SLCO3A1: variants seen among roughly 807,000 people sequenced by gnomAD.
SLCO3A1 encodes solute carrier organic anion transporter family member 3A1.
SLCO3A1 carries 27 observed loss-of-function variants against 63.1 expected under a neutral mutation model. That is an observed-to-expected ratio of 0.43 (90% CI 0.32 to 0.59). The LOEUF (loss-of-function observed/expected upper bound fraction) is 0.59, where lower values mean the gene tolerates loss of function less well. Ranked by LOEUF, SLCO3A1 falls within the 20% of genes least tolerant of loss-of-function variation. The pLI is 0.09. For missense variants in SLCO3A1, 773 were observed against 945.8 expected (o/e 0.82, Z 2.40); for synonymous variants, 473 against 409.9 (o/e 1.15, Z -1.86).
At chr15:92,146,760 CA>C (rs1313221391) in intron 7 of SLCO3A1, among the ~76,000 whole-genome samples, 2 of 151,672 alleles carry the variant, frequency 1.3e-5, no homozygotes, top group Non-Finnish European at 2.9e-5. Flanking sequence ...GGAAATGAAA[CA>C]CACAAGAGAC....
chr15:91,905,471 C>A (rs546517654), intron 1 of SLCO3A1, among the ~76,000 whole-genome samples: 1 of 152,152 alleles, frequency 6.6e-6, no homozygotes, highest in African/African-American at 2.4e-5. Context: ...ATAAATGGTT[C>A]TTATACTATT....
intron 2 of SLCO3A1, among the ~76,000 whole-genome samples, chr15:92,072,366 G>C (rs560004516): frequency 6.6e-6 from 1 of 151,640 alleles, no homozygotes; most frequent in East Asian, 1.9e-4. Flanking sequence ...ACTGAACTCA[G>C]CCTTTCTTTA....
intron 1 of SLCO3A1, among the ~76,000 whole-genome samples, chr15:91,874,543 A>T (rs560728697): frequency 6.6e-6 from 1 of 152,208 alleles, no homozygotes; most frequent in Non-Finnish European, 1.5e-5. Context: ...ATGTCCTCAC[A>T]GGTCATCCAA....
intron 2 of SLCO3A1, among the ~76,000 whole-genome samples, chr15:91,933,132 A>G (rs1899293356): frequency 6.6e-6 from 1 of 152,202 alleles, no homozygotes; most frequent in Non-Finnish European, 1.5e-5. Context: ...TTTCTCCTTA[A>G]GGTATATCCT....
intron 1 of SLCO3A1, among the ~76,000 whole-genome samples, chr15:91,871,885 A>G (rs1188354054): frequency 6.7e-6 from 1 of 149,112 alleles, no homozygotes; most frequent in African/African-American, 2.5e-5. Context: ...TTTAACTGGG[A>G]AATGTCTAGC....
chr15:92,122,802 T>C (rs903032485), intron 5 of SLCO3A1, among the ~76,000 whole-genome samples: 2 of 152,260 alleles, frequency 1.3e-5, no homozygotes, highest in African/African-American at 4.8e-5. Context: ...TGTTCTATGG[T>C]AAACTATTGC....
In SLCO3A1 at chr15:92,033,941, G is replaced by A. The variant is rs963580332; in HGVS notation, c.647-60940G>A. ...ATGAGCTGGGAGCAGGCGCATGGGT[G>A]GGACCCAGTGAGGGAGGGGGAGGAG... On this transcript the variant is annotated intron_variant, in intron 2 of 9. Coordinates refer to ENST00000318445, the MANE Select transcript of SLCO3A1 (RefSeq NM_013272.4). This position sits in a 1 kb window ranked among gnomAD's most constrained non-coding sequence, Gnocchi z 4.5. Among the ~76,000 whole-genome samples, 2 of 151,946 alleles carry A rather than the reference G, an allele frequency of 1.3e-5. No individual in the cohort carries two copies. Among genetic ancestry groups the A allele is most frequent in the Admixed American group, 6.6e-5 (1 of 15,254 alleles).
chr15:92,087,895 C>T (rs1253007070), intron 2 of SLCO3A1, among the ~76,000 whole-genome samples: 1 of 152,122 alleles, frequency 6.6e-6, no homozygotes, highest in Non-Finnish European at 1.5e-5. Flanking sequence ...TTCAAGTTTC[C>T]AGTTGTATTT....
chr15:92,135,547 A>T (rs905654044), intron 7 of SLCO3A1, among the ~76,000 whole-genome samples: 4 of 152,054 alleles, frequency 2.6e-5, no homozygotes, highest in African/African-American at 9.7e-5. Context: ...TTGTGATGAG[A>T]TCTGAGGGTT....
intron 2 of SLCO3A1, among the ~76,000 whole-genome samples, chr15:92,016,262 A>ATAGATAGATATAGATAGATAGAT (rs2046434037): frequency 1.8e-5 from 2 of 112,858 alleles, no homozygotes; most frequent in East Asian, 5.9e-4. Context: ...GATTAGATAG[A>ATAGATAGATATAGATAGATAGAT]TAGATAGATA....
At chr15:91,928,664 A>G (rs1027624005) in intron 2 of SLCO3A1, among the ~76,000 whole-genome samples, 12 of 152,242 alleles carry the variant, frequency 7.9e-5, no homozygotes, top group African/African-American at 2.9e-4. Context: ...GCTGTAAAGT[A>G]TGAAATGGTG....
intron 2 of SLCO3A1, among the ~76,000 whole-genome samples, chr15:92,055,210 CT>C (rs2047007222): frequency 1.3e-5 from 2 of 152,232 alleles, no homozygotes; most frequent in African/African-American, 4.8e-5. Context: ...TGATGTTGAG[CT>C]TTTTTTCATG....
chr15:92,167,189 A>C (rs764430765), downstream of SLCO3A1, among the ~76,000 whole-genome samples: 1 of 152,228 alleles, frequency 6.6e-6, no homozygotes. Flanking sequence ...TTCTTACCTG[A>C]CTATCTTGAT....
chr15:91,891,525 T>TA (rs1254296037), intron 1 of SLCO3A1, among the ~76,000 whole-genome samples: 2 of 152,146 alleles, frequency 1.3e-5, no homozygotes, highest in Non-Finnish European at 2.9e-5. Flanking sequence ...TCCTCCCTCT[T>TA]ACGTAGGGGT....
At position 91,863,372 on chromosome 15, in the gene SLCO3A1, C is replaced by T. The variant is rs1240182448; in HGVS notation, c.180+9284C>T. The stretch of plus-strand genomic sequence containing the variant: ...GCTTTCAGGGTGGTGGAGGGCAGGG[C>T]CCCCTTAAGGTTGGCTTTCGAGGTT... On this transcript the variant is annotated intron_variant, in intron 1 of 9. Coordinates refer to ENST00000318445, the MANE Select transcript of SLCO3A1 (RefSeq NM_013272.4). This position sits in a 1 kb window ranked among gnomAD's most constrained non-coding sequence, Gnocchi z 4.3. Among the ~76,000 whole-genome samples the T allele has an allele frequency of 3.9e-5, 6 of 152,220 alleles. No homozygotes were observed. Among genetic ancestry groups the T allele is most frequent in the African/African-American group, 1.4e-4 (6 of 41,460 alleles).
At chr15:92,105,433 C>G (rs2151546802) in intron 4 of SLCO3A1, among the ~76,000 whole-genome samples, 1 of 152,220 alleles carries the variant, frequency 6.6e-6, no homozygotes, top group Non-Finnish European at 1.5e-5. Flanking sequence ...CTCTTGCTAT[C>G]ATTTTTTAAA....
chr15:91,950,304 A>G lies in SLCO3A1; in HGVS notation c.646+33846A>G, dbSNP rs941624683. Among the ~76,000 whole-genome samples the G allele has an allele frequency of 2.0e-5, 3 of 152,176 alleles. No individual in the cohort carries two copies. The highest frequency in any genetic ancestry group is 2.0e-4 in the Admixed American group (3 of 15,286). The stretch of plus-strand genomic sequence containing the variant: ...GCAGGGGGCTGGGGAAGCAGAGATC[A>G]GTCTGCAGTGGTGGGTGAAGACAGC... On this transcript the variant is annotated intron_variant, in intron 2 of 9. Transcript: ENST00000318445. This position sits in a 1 kb window ranked among gnomAD's most constrained non-coding sequence, Gnocchi z 4.4.
intron 2 of SLCO3A1, among the ~76,000 whole-genome samples, chr15:91,938,706 T>C (rs1313829804): frequency 2.0e-5 from 3 of 152,158 alleles, no homozygotes; most frequent in Non-Finnish European, 4.4e-5. Flanking sequence ...ACCCAGCTAG[T>C]GTGTGGTGAT....
intron 7 of SLCO3A1, among the ~76,000 whole-genome samples, chr15:92,144,271 C>T (rs759926465): frequency 1.1e-4 from 16 of 151,480 alleles, no homozygotes; most frequent in Non-Finnish European, 5.9e-5. Flanking sequence ...CAGGAGATAG[C>T]CAGAGAAATG....
Sources: gnomAD v4.1 joint callset for allele counts (sites outside exome capture counted in the v4.1 genomes callset) on GRCh38, gnomAD v4.1.1 for gene constraint, Gnocchi (gnomAD v3.1) non-coding constraint, MANE v1.5 for transcripts, NCBI Gene and HGNC (gene_info 2026-07-23, HGNC 2026-07-21) for gene names.